The following PPP3CB variants were observed in gnomAD, a reference collection of about 807,000 sequenced individuals.
The protein encoded by PPP3CB is serine/threonine-protein phosphatase 2B catalytic subunit beta isoform.
Under a neutral mutation model 66.4 loss-of-function variants are expected in PPP3CB, and 8 were observed. The ratio of observed to expected loss-of-function variants is 0.12; its 90% confidence interval spans 0.07 to 0.22. PPP3CB has a LOEUF of 0.22. Among genes scored for constraint, PPP3CB ranks in the 10% least tolerant of loss-of-function variants. PPP3CB has a pLI of 1.00. For synonymous variants in PPP3CB, 208 were observed against 221.2 expected, an observed-to-expected ratio of 0.94 and a Z score of 0.53; for missense variants, 319 against 642.5, an observed-to-expected ratio of 0.50 and a Z score of 5.44.
intron 10 of PPP3CB, among the ~76,000 whole-genome samples, chr10:73,449,074 G>T (rs1230653897): frequency 1.3e-5 from 2 of 152,330 alleles, no homozygotes; most frequent in East Asian, 3.9e-4. Context: ...AAGGAAATGT[G>T]TCACCTGTGG....
At chr10:73,480,594 G>A (rs900261877) in intron 1 of PPP3CB, among the ~76,000 whole-genome samples, 4 of 151,916 alleles carry the variant, frequency 2.6e-5, no homozygotes, top group Non-Finnish European at 5.9e-5. Flanking sequence ...ACAGGCATCC[G>A]CCATCATGCC....
chr10:73,444,891 G>A (rs2056221615), intron 11 of PPP3CB, 69 bp from the exon 12 acceptor site: 7 of 1,471,348 alleles, frequency 4.8e-6, no homozygotes, highest in Non-Finnish European at 6.5e-6. Context: ...AAGACATAGG[G>A]TCTAGATATA....
At chr10:73,484,138 CA>C (rs201452826) in intron 1 of PPP3CB, among the ~76,000 whole-genome samples, 19 of 146,932 alleles carry the variant, frequency 1.3e-4, no homozygotes, top group East Asian at 5.9e-4. Flanking sequence ...GACTCTATCT[CA>C]AAAAAAAAAA....
At chr10:73,493,223 T>TAG (rs1398971901) in intron 1 of PPP3CB, among the ~76,000 whole-genome samples, 1 of 146,050 alleles carries the variant, frequency 6.8e-6, no homozygotes, top group Non-Finnish European at 1.5e-5. Context: ...TTGCAGTGAG[T>TAG]AGAGATCGCG....
intron 1 of PPP3CB, among the ~76,000 whole-genome samples, chr10:73,494,466 T>C (rs958869920): frequency 1.8e-4 from 28 of 152,074 alleles, no homozygotes; most frequent in Admixed American, 7.2e-4. Context: ...TTTTATTTTT[T>C]GTATTTTTGG....
intron 4 of PPP3CB, among the ~76,000 whole-genome samples, chr10:73,472,437 T>C (rs1589705492): frequency 1.4e-5 from 2 of 145,708 alleles, no homozygotes; most frequent in Admixed American, 7.1e-5. Context: ...GAGGCTGCAG[T>C]GGGCCGAGAT....
rs758167874 is a variant in PPP3CB at position 73,438,227 on chromosome 10, C to T, written c.*15G>A. On this transcript the variant is annotated 3_prime_UTR_variant, in exon 14 of 14. Coordinates refer to ENST00000360663, the MANE Select transcript of PPP3CB (RefSeq NM_021132.4). ...TTTGGGGCCCGAGATGTGAGAGTCC[C>T]TGGGAAGTAGTGGGTCACTGGGCAG... 1.7e-5 allele frequency: 27 copies of T among 1,607,932 alleles called. No homozygotes were observed. The South Asian group carries it at 2.9e-4, about 17-fold the overall frequency.
intron 4 of PPP3CB, 47 bp downstream of exon 4, chr10:73,474,872 C>G: frequency 6.2e-7 from 1 of 1,601,654 alleles, no homozygotes; most frequent in African/African-American, 1.3e-5. Flanking sequence ...CACTTAAGTC[C>G]AAAAGAATAC....
chr10:73,474,327 T>A (rs1304091030), intron 4 of PPP3CB, among the ~76,000 whole-genome samples: 1 of 150,248 alleles, frequency 6.7e-6, no homozygotes, highest in Non-Finnish European at 1.5e-5. Context: ...AAGCGTGAGC[T>A]ACCGTGCCTG....
chr10:73,441,697 T>C (rs1388906723), intron 12 of PPP3CB, among the ~76,000 whole-genome samples: 1 of 152,216 alleles, frequency 6.6e-6, no homozygotes, highest in Non-Finnish European at 1.5e-5. Context: ...TTGGTATTAC[T>C]AACATAGAAT....
In PPP3CB at chr10:73,472,878, T is replaced by C. The variant is rs78632214; in HGVS notation, c.524-1265A>G. On this transcript the variant is annotated intron_variant, in intron 4 of 13. Coordinates refer to ENST00000360663, the MANE Select transcript of PPP3CB (RefSeq NM_021132.4). ...ACTTTTAGAGAGATATCATGCACTT[T>C]CATTTGCTCCTTTACAACTTTAAAT... 1.0e-2 allele frequency among the ~76,000 whole-genome samples: 1,520 copies of C among 152,332 alleles called. 18 individuals carry two copies. The highest frequency in any genetic ancestry group is 0.03 in the South Asian group (146 of 4,826).
chr10:73,495,735 G>T, intron 1 of PPP3CB, 70 bp downstream of exon 1: 1 of 1,522,808 alleles, frequency 6.6e-7, no homozygotes. Flanking sequence ...CCGAGGGGAC[G>T]GTCTCCCGCC....
At chr10:73,457,213 T>C (rs921327827) in intron 9 of PPP3CB, among the ~76,000 whole-genome samples, 1 of 144,468 alleles carries the variant, frequency 6.9e-6, no homozygotes, top group Non-Finnish European at 1.5e-5. Context: ...GCCTAGTAAT[T>C]TGTGTGAGAC....
At chr10:73,465,537 G>A (rs868796505) in intron 9 of PPP3CB, among the ~76,000 whole-genome samples, 1 of 152,122 alleles carries the variant, frequency 6.6e-6, no homozygotes, top group Non-Finnish European at 1.5e-5. Context: ...ACTCTAGTCT[G>A]TGTGACAGAG....
chr10:73,494,570 C>T (rs2057142352), intron 1 of PPP3CB, among the ~76,000 whole-genome samples: 1 of 151,762 alleles, frequency 6.6e-6, no homozygotes, highest in African/African-American at 2.4e-5. Flanking sequence ...GCTGGGATTA[C>T]AGATGTGAGC....
chr10:73,460,668 A>C (rs1452679973), intron 9 of PPP3CB, among the ~76,000 whole-genome samples: 1 of 152,254 alleles, frequency 6.6e-6, no homozygotes, highest in East Asian at 1.9e-4. Context: ...CAATGGAAAA[A>C]AGGAAGCAGC....
intron 12 of PPP3CB, among the ~76,000 whole-genome samples, chr10:73,441,378 G>A (rs1180238180): frequency 2.0e-5 from 3 of 152,140 alleles, no homozygotes; most frequent in Non-Finnish European, 4.4e-5. Context: ...TGAGGTGGAA[G>A]GATCCCTTGA....
rs1218898077 is a variant in PPP3CB, at chr10:73,496,005, A to G, written c.-116T>C. On this transcript the variant is annotated 5_prime_UTR_variant, in exon 1 of 14. Transcript: ENST00000360663. ...AACATGGCGGACCCTCTTTCCCTAC[A>G]GAGGGGCTAAGACCGGCATGCACTG... 9.4e-6 allele frequency: 3 copies of G among 320,500 alleles called. No individual in the cohort carries two copies. The highest frequency in any genetic ancestry group is 1.4e-5 in the Non-Finnish European group (3 of 216,384). 19.9% of individuals were successfully genotyped at this position (320,500 alleles called of 1,614,324 possible). A position where few individuals can be genotyped will look rare whatever the true frequency, so the allele number is the denominator to read the frequency against.
At chr10:73,483,321 T>C (rs2056914208) in intron 1 of PPP3CB, among the ~76,000 whole-genome samples, 1 of 152,208 alleles carries the variant, frequency 6.6e-6, no homozygotes, top group Non-Finnish European at 1.5e-5. Context: ...AGGGAATCAA[T>C]GTTACCATAA....
Sources: allele counts gnomAD v4.1 joint callset (sites outside exome capture counted in the v4.1 genomes callset), GRCh38; gene constraint gnomAD v4.1.1; transcripts MANE v1.5; gene names NCBI Gene and HGNC (gene_info 2026-07-23, HGNC 2026-07-21).